The following PSD3 variants were observed in gnomAD, a reference collection of about 807,000 sequenced individuals.
The protein encoded by PSD3 is pleckstrin and Sec7 domain containing 3, also known as PH and SEC7 domain-containing protein 3.
A neutral mutation model predicts 105.5 loss-of-function variants in PSD3; 49 were observed. The observed-to-expected ratio is 0.46, with a 90% confidence interval of 0.37 to 0.59. The LOEUF (loss-of-function observed/expected upper bound fraction) is 0.59. Ranked by LOEUF, PSD3 falls within the 20% of genes least tolerant of loss-of-function variation. PSD3 has a pLI of 0.00. For synonymous variants in PSD3, 557 were observed against 457.8 expected, an observed-to-expected ratio of 1.22 and a Z score of -2.77; for missense variants, 1,561 against 1,263.8, an observed-to-expected ratio of 1.24 and a Z score of -3.57.
At chr8:18,739,308 G>T (rs1804385678) in intron 9 of PSD3, among the ~76,000 whole-genome samples, 1 of 152,010 alleles carries the variant, frequency 6.6e-6, no homozygotes, top group African/African-American at 2.4e-5. Context: ...GCTATTTAAG[G>T]GAAAAAATAG....
At chr8:18,579,097 C>CACACACACAT (rs1491447547) in intron 12 of PSD3, among the ~76,000 whole-genome samples, 1 of 1,390 alleles carries the variant, frequency 7.2e-4, no homozygotes, top group Admixed American at 0.017. Context: ...GCTCCAAGTC[C>CACACACACAT]ACACACACAC....
intron 4 of PSD3, among the ~76,000 whole-genome samples, chr8:18,846,926 C>T (rs1421301170): frequency 2.0e-5 from 3 of 152,146 alleles, no homozygotes; most frequent in Non-Finnish European, 2.9e-5. Context: ...AAAGACAGAG[C>T]TCATGTGAAG....
At position 18,867,694 on chromosome 8, in the gene PSD3, C is replaced by T. The variant is rs746862855; in HGVS notation, c.1614G>A (p.Pro538=). The T allele has an allele frequency of 5.0e-6, 8 of 1,611,934 alleles. No homozygotes were observed. In the South Asian group the frequency reaches 5.5e-5, roughly 11 times the overall value. The change falls in exon 4 of 16, where the codon CCG becomes CCA. Residue 538 remains proline (P), a synonymous_variant. Coordinates refer to ENST00000327040, the MANE Select transcript of PSD3 (RefSeq NM_015310.4). ...ASDSIYTKGT[P]EIAFWGSNAG... is the part of the protein sequence containing the mutation. ...AGTACCTTCCCCAGAAAGCAATCTC[C>T]GGGGTGCCTTTCGTGTAGATGGAGT...
At chr8:19,084,732 C>T (rs1829754516), upstream of PSD3, 2 of 303,542 alleles carry the variant, frequency 6.6e-6, no homozygotes, top group South Asian at 5.9e-5. Context: ...CGTCTCAGGG[C>T]CTGCCTTCTG....
chr8:18,869,726 A>C (rs183420181), intron 3 of PSD3, among the ~76,000 whole-genome samples: 2 of 152,254 alleles, frequency 1.3e-5, no homozygotes, highest in East Asian at 3.9e-4. Flanking sequence ...GCCATCAACT[A>C]AACTGGCCTC....
intron 10 of PSD3, among the ~76,000 whole-genome samples, chr8:18,645,486 T>G (rs1162123072): frequency 6.6e-6 from 1 of 152,224 alleles, no homozygotes; most frequent in Non-Finnish European, 1.5e-5. Context: ...CAGGGTGTCT[T>G]TGCTGAATAT....
chr8:19,042,825 A>C (rs1828168132), intron 1 of PSD3, among the ~76,000 whole-genome samples: 1 of 152,222 alleles, frequency 6.6e-6, no homozygotes. Flanking sequence ...TACTTATGAA[A>C]AAACTGTACT....
intron 1 of PSD3, chr8:18,979,479 T>G (rs1198353181): frequency 6.6e-6 from 1 of 152,212 alleles, no homozygotes; most frequent in Non-Finnish European, 1.5e-5. Flanking sequence ...GAAATTGCTG[T>G]TTTGATATGG....
chr8:18,988,924 CT>C (rs1321921787), intron 1 of PSD3, among the ~76,000 whole-genome samples: 21 of 152,194 alleles, frequency 1.4e-4, no homozygotes, highest in Non-Finnish European at 4.4e-5. Flanking sequence ...GCCATGGGGG[CT>C]TCAAAGCTGA....
chr8:18,697,045 C>A (rs1299236198), intron 9 of PSD3, among the ~76,000 whole-genome samples: 1 of 152,132 alleles, frequency 6.6e-6, no homozygotes, highest in Admixed American at 6.5e-5. Flanking sequence ...GGGTTTGAGA[C>A]CAGCCTGGGC....
At chr8:18,955,361 C>A (rs1823501551) in intron 1 of PSD3, among the ~76,000 whole-genome samples, 2 of 152,118 alleles carry the variant, frequency 1.3e-5, no homozygotes, top group Admixed American at 1.3e-4. Flanking sequence ...CCTCCTCAGC[C>A]TCCTGAGTAG....
At position 18,652,149 on chromosome 8, in the gene PSD3, C is replaced by T. The variant is rs148513458; in HGVS notation, c.2216+3493G>A. 7.9e-3 allele frequency among the ~76,000 whole-genome samples: 1,197 copies of T among 152,126 alleles called. 19 individuals carry two copies. The highest frequency in any genetic ancestry group is 7.7e-3 in the Admixed American group (118 of 15,278). On this transcript the variant is annotated intron_variant, in intron 10 of 15. Coordinates refer to ENST00000327040, the MANE Select transcript of PSD3 (RefSeq NM_015310.4). ...GTCATTAATAGAAATGGAGCACACA[C>T]GACAAGTTTGGAGACAGACGATGAG...
At chr8:18,994,636 T>C (rs1344279787) in intron 1 of PSD3, among the ~76,000 whole-genome samples, 2 of 152,050 alleles carry the variant, frequency 1.3e-5, no homozygotes. Flanking sequence ...TAAGCTTTTG[T>C]CAAAATGACA....
chr8:18,737,335 G>C (rs1266796271), intron 9 of PSD3, among the ~76,000 whole-genome samples: 1 of 152,204 alleles, frequency 6.6e-6, no homozygotes, highest in Non-Finnish European at 1.5e-5. Flanking sequence ...ATTTGTGTGT[G>C]TGTGTGCGTG....
At chr8:18,572,713 T>C in intron 13 of PSD3, 41 bp from the exon 14 acceptor site, 1 of 1,592,662 alleles carries the variant, frequency 6.3e-7, no homozygotes, top group Non-Finnish European at 8.6e-7. Context: ...TATTGCCATG[T>C]CTAAGTAGCA....
chr8:18,752,176 T>C (rs1374299662), intron 9 of PSD3, among the ~76,000 whole-genome samples: 2 of 151,770 alleles, frequency 1.3e-5, no homozygotes, highest in Non-Finnish European at 2.9e-5. Flanking sequence ...CTCCTCTCTC[T>C]CAAAAAATAA....
At chr8:18,544,837 T>G (rs772101988) in intron 15 of PSD3, among the ~76,000 whole-genome samples, 1 of 152,116 alleles carries the variant, frequency 6.6e-6, no homozygotes, top group Non-Finnish European at 1.5e-5. Flanking sequence ...CAGCTCTATC[T>G]TACTCTTCAG....
intron 11 of PSD3, among the ~76,000 whole-genome samples, chr8:18,604,842 G>A (rs1190052241): frequency 1.3e-5 from 2 of 152,206 alleles, no homozygotes; most frequent in African/African-American, 4.8e-5. Context: ...TACAGAGCAT[G>A]TTGGCCACAA....
intron 2 of PSD3, among the ~76,000 whole-genome samples, chr8:18,890,759 T>C (rs182267966): frequency 1.8e-3 from 261 of 148,184 alleles, no homozygotes; most frequent in African/African-American, 6.5e-3. Flanking sequence ...CTGAGTGTGA[T>C]CCCTCTCAGC....
Sources: allele counts gnomAD v4.1 joint callset (sites outside exome capture counted in the v4.1 genomes callset), GRCh38; gene constraint gnomAD v4.1.1; transcripts MANE v1.5; gene names NCBI Gene and HGNC (gene_info 2026-07-23, HGNC 2026-07-21).